Variants in KLF8 observed in about 807,000 individuals in gnomAD.
The protein encoded by KLF8 is Krueppel-like factor 8.
A neutral mutation model predicts 18.2 loss-of-function variants in KLF8; 10 were observed. The observed-to-expected ratio is 0.55, with a 90% CI of 0.34 to 0.93. The LOEUF (loss-of-function observed/expected upper bound fraction) is 0.93, where lower values mean the gene tolerates loss of function less well. KLF8 is among the 40% of genes least tolerant of loss of function. KLF8 has a pLI of 0.02. For synonymous variants in KLF8, 109 were observed against 97.3 expected, an observed-to-expected ratio of 1.12 and a Z score of -0.71; for missense variants, 264 against 277.9, an observed-to-expected ratio of 0.95 and a Z score of 0.36.
At chrX:56,227,123 G>A in the KLF8 span, among the ~76,000 whole-genome samples, 1 of 111,749 alleles carries the variant, frequency 8.9e-6, no homozygotes, top group Admixed American at 9.5e-5. Context: ...ATCTCCTGTT[G>A]GCTTAGGGGA....
chrX:56,171,851 A>G, the KLF8 span, among the ~76,000 whole-genome samples: 1 of 111,845 alleles, frequency 8.9e-6, no homozygotes, highest in African/African-American at 3.2e-5. Context: ...ATGTGTCTTT[A>G]TAGCAGCATG....
At chrX:55,945,881 C>A in the KLF8 span, among the ~76,000 whole-genome samples, 2 of 111,045 alleles carry the variant, frequency 1.8e-5, no homozygotes, top group Non-Finnish European at 3.8e-5. Flanking sequence ...AACTCCCATT[C>A]ACAATTGCTT....
At chrX:55,961,661 A>G in the KLF8 span, 6 of 407,824 alleles carry the variant, frequency 1.5e-5, no homozygotes, top group East Asian at 1.5e-4. Context: ...AAGCTCAGCC[A>G]GGATGTCCAA....
chrX:56,257,434 G>A (rs904985019), intron 2 of KLF8, among the ~76,000 whole-genome samples: 5 of 111,716 alleles, frequency 4.5e-5, no homozygotes, highest in Non-Finnish European at 7.5e-5. Context: ...GTGTGATGCC[G>A]AGGTTTGGGA....
At chrX:56,269,309 G>T in intron 3 of KLF8, 69 bp from the exon 4 acceptor site, 1 of 1,082,368 alleles carries the variant, frequency 9.2e-7, no homozygotes, top group Non-Finnish European at 1.2e-6. Flanking sequence ...GGACAAACTG[G>T]GAATCCTGAA....
chrX:56,270,989 A>G (rs2067050430), intron 5 of KLF8, among the ~76,000 whole-genome samples: 1 of 112,205 alleles, frequency 8.9e-6, no homozygotes, highest in Non-Finnish European at 1.9e-5. Flanking sequence ...TATTTTTTAA[A>G]CAACAAAAAT....
chrX:56,124,487 T>A, the KLF8 span, among the ~76,000 whole-genome samples: 3 of 112,406 alleles, frequency 2.7e-5, no homozygotes, highest in East Asian at 8.4e-4. Flanking sequence ...AGTACATGAA[T>A]CGTTTATCAA....
the KLF8 span, among the ~76,000 whole-genome samples, chrX:56,185,124 G>A: frequency 8.9e-6 from 1 of 112,048 alleles, no homozygotes; most frequent in African/African-American, 3.2e-5. Context: ...TAAAAACTTT[G>A]AAAAAAATTT....
At chrX:55,986,920 C>T in the KLF8 span, among the ~76,000 whole-genome samples, 2 of 111,542 alleles carry the variant, frequency 1.8e-5, no homozygotes, top group African/African-American at 6.5e-5. Context: ...ATTTTGGCCT[C>T]CAATTCCATC....
At chrX:56,278,363 G>A (rs2067149608) in intron 5 of KLF8, among the ~76,000 whole-genome samples, 1 of 110,515 alleles carries the variant, frequency 9.0e-6, no homozygotes, top group Admixed American at 9.7e-5. Flanking sequence ...TTAGTCAGTA[G>A]GTGATGCGTC....
At chrX:56,059,137 G>C in the KLF8 span, among the ~76,000 whole-genome samples, 2 of 111,828 alleles carry the variant, frequency 1.8e-5, no homozygotes, top group African/African-American at 6.5e-5. Flanking sequence ...TTTGCTGGCC[G>C]CATAAATGTC....
chrX:56,183,059 C>A, the KLF8 span, among the ~76,000 whole-genome samples: 2 of 112,549 alleles, frequency 1.8e-5, no homozygotes, highest in African/African-American at 6.4e-5. Context: ...CTATGCCCTG[C>A]CCCCAGAGCG....
chrX:56,220,563 G>A, the KLF8 span, among the ~76,000 whole-genome samples: 1 of 110,670 alleles, frequency 9.0e-6, no homozygotes, highest in Admixed American at 9.6e-5. Flanking sequence ...TCGGCTCACT[G>A]CAACCTCCGC....
the KLF8 span, among the ~76,000 whole-genome samples, chrX:56,125,963 TGTA>T: frequency 3.6e-5 from 4 of 112,246 alleles, no homozygotes; most frequent in Admixed American, 9.4e-5. Flanking sequence ...TACAATAAAT[TGTA>T]GTGATTTTTA....
At chrX:55,944,850 A>T in the KLF8 span, among the ~76,000 whole-genome samples, 3 of 110,407 alleles carry the variant, frequency 2.7e-5, no homozygotes, top group Non-Finnish European at 5.7e-5. Flanking sequence ...CTGTGATCTT[A>T]GTTATTTCTT....
chrX:56,225,542 T>C, the KLF8 span, among the ~76,000 whole-genome samples: 5 of 112,173 alleles, frequency 4.5e-5, no homozygotes, highest in African/African-American at 1.6e-4. Flanking sequence ...GTTCTATGTT[T>C]CTCCAGGGAT....
At chrX:55,998,240 A>C in the KLF8 span, among the ~76,000 whole-genome samples, 1 of 110,667 alleles carries the variant, frequency 9.0e-6, no homozygotes. Flanking sequence ...GACGGGCAGG[A>C]GACAGATGCC....
chrX:56,140,365 A>G, the KLF8 span, among the ~76,000 whole-genome samples: 1 of 112,065 alleles, frequency 8.9e-6, no homozygotes, highest in African/African-American at 3.2e-5. Context: ...GTAGATGCCC[A>G]TCTACAGTGG....
At chrX:56,035,391 C>T in the KLF8 span, among the ~76,000 whole-genome samples, 2 of 111,972 alleles carry the variant, frequency 1.8e-5, no homozygotes, top group South Asian at 7.5e-4. Flanking sequence ...AGGTCAATTC[C>T]ATACCCTGGC....
Sources: allele counts gnomAD v4.1 joint callset (sites outside exome capture counted in the v4.1 genomes callset), GRCh38; gene constraint gnomAD v4.1.1; transcripts MANE v1.5; gene names NCBI Gene and HGNC (gene_info 2026-07-23, HGNC 2026-07-21).